Variants in DLEC1 observed in about 807,000 individuals in gnomAD.
The protein encoded by DLEC1 is deleted in lung and esophageal cancer protein 1.
DLEC1 carries 146 observed loss-of-function variants against 198.1 expected under a neutral mutation model. That is an observed-to-expected ratio of 0.74 (90% CI 0.64 to 0.85). The LOEUF (loss-of-function observed/expected upper bound fraction) is 0.85, where lower values mean the gene tolerates loss of function less well. Ranked by LOEUF, DLEC1 falls within the 40% of genes least tolerant of loss-of-function variation. The probability of loss-of-function intolerance (pLI) is 0.00; values close to 1 mark genes in which losing one functional copy is unlikely to be tolerated. For synonymous variants in DLEC1, 897 were observed against 866.8 expected (o/e 1.03, Z -0.61); for missense variants, 2,233 against 2,220.0 (o/e 1.01, Z -0.12).
chr3:38,115,161 C>T, intron 27 of DLEC1, 108 bp downstream of exon 27: 2 of 1,177,722 alleles, frequency 1.7e-6, no homozygotes, highest in Non-Finnish European at 2.5e-6. Context: ...TGAACAGGAC[C>T]CAGGTGTCCA....
chr3:38,064,810 C>T (rs1696920492), intron 6 of DLEC1, among the ~76,000 whole-genome samples: 1 of 151,626 alleles, frequency 6.6e-6, no homozygotes, highest in Non-Finnish European at 1.5e-5. Context: ...TCCTCACTTC[C>T]TAGATGGGAT....
At chr3:38,062,101 G>T (rs1645365414) in intron 3 of DLEC1, 68 bp from the exon 4 acceptor site, 1 of 1,531,000 alleles carries the variant, frequency 6.5e-7, no homozygotes, top group Non-Finnish European at 9.0e-7. Flanking sequence ...GGTTTTATTT[G>T]GTCATCTTAG....
Position 38,059,826 on chromosome 3 carries a change from C to G in DLEC1, c.647C>G (p.Thr216Arg). The change falls in exon 3 of 37, where the codon ACA (threonine) becomes AGA (arginine). Residue 216 changes from threonine to arginine, a missense_variant. By Grantham distance (71) the Thr-to-Arg change is moderately conservative (BLOSUM62 -1). Coordinates refer to ENST00000308059, the MANE Select transcript of DLEC1 (RefSeq NM_007335.4). ...LISPEDYYTD[T>R]VPFHSAPKGI... ...TCCCCAGAAGATTACTACACCGATACAGTGCCGTTTCACTCTGCACCTAAA... is the reference window on the plus strand; with the variant it reads ...TCCCCAGAAGATTACTACACCGATAGAGTGCCGTTTCACTCTGCACCTAAA... 6.2e-7 allele frequency: 1 copy of G among 1,614,170 alleles called. No homozygotes were observed. Among genetic ancestry groups the G allele is most frequent in the East Asian group, 2.2e-5 (1 of 44,886 alleles).
chr3:38,096,344 G>T (rs1211494339), intron 14 of DLEC1, among the ~76,000 whole-genome samples: 1 of 152,242 alleles, frequency 6.6e-6, no homozygotes, highest in African/African-American at 2.4e-5. Context: ...CCTGGAGGCA[G>T]CAGGGCAATG....
intron 5 of DLEC1, among the ~76,000 whole-genome samples, chr3:38,063,612 A>G (rs1216582325): frequency 3.3e-5 from 5 of 152,378 alleles, no homozygotes; most frequent in Middle Eastern, 6.8e-3. Context: ...ATGCATATTG[A>G]AAATGAAATA....
intron 6 of DLEC1, among the ~76,000 whole-genome samples, chr3:38,073,312 G>A (rs556085507): frequency 2.0e-5 from 3 of 152,306 alleles, no homozygotes; most frequent in Admixed American, 1.3e-4. Context: ...GTAAAGTGGG[G>A]GAATTGTAAG....
At position 38,085,192 on chromosome 3, in the gene DLEC1, G is replaced by C. The variant is rs142284791; in HGVS notation, c.1262-82G>C. The C allele has an allele frequency of 3.3e-6, 5 of 1,501,996 alleles. No individual in the cohort carries two copies. In the Admixed American group the frequency reaches 8.6e-5, roughly 26 times the overall value. The allele number at this position is 1,501,996 out of a possible 1,614,324, so 93.0% of individuals were successfully genotyped here. The stretch of plus-strand genomic sequence containing the variant: ...CACTTACAGAGCCAGCCCTGGCAGG[G>C]CTGGGGTCTGTACCAGCTGAGCTCA... On this transcript the variant is annotated intron_variant, in intron 7 of 36. Coordinates refer to ENST00000308059, the MANE Select transcript of DLEC1 (RefSeq NM_007335.4).
At chr3:38,082,648 GA>G (rs1385385671) in intron 6 of DLEC1, among the ~76,000 whole-genome samples, 1 of 151,984 alleles carries the variant, frequency 6.6e-6, no homozygotes, top group African/African-American at 2.4e-5. Flanking sequence ...AGAAGGGGTT[GA>G]GGGGTACTTG....
At position 38,059,743 on chromosome 3, in the gene DLEC1, GAA is replaced by G; in HGVS notation, c.565_566del (p.Lys189GlufsTer35). 1 of 1,613,554 alleles carries G rather than the reference GAA, an allele frequency of 6.2e-7. No individual in the cohort carries two copies. Among genetic ancestry groups the G allele is most frequent in the Non-Finnish European group, 8.5e-7 (1 of 1,179,722 alleles). ...GTTCTCCCCTTCCCTTCTATGAAGT[GAA>G]GAGTGTCTCCAGATGGTGTATAGAC... is the stretch of plus-strand genomic sequence containing the variant. ...LESLVRLPPV[K>X]SVSRWCIDSE... On this transcript the variant is annotated frameshift_variant and splice_region_variant, in exon 3 of 37. Coordinates refer to ENST00000308059, the MANE Select transcript of DLEC1 (RefSeq NM_007335.4). LOFTEE classifies it high-confidence loss of function.
At chr3:38,058,604 A>C (rs1696509057) in intron 2 of DLEC1, among the ~76,000 whole-genome samples, 1 of 152,134 alleles carries the variant, frequency 6.6e-6, no homozygotes, top group Admixed American at 6.5e-5. Context: ...GTTTTTAAAA[A>C]TCAAATAGTT....
At chr3:38,085,222 C>G in intron 7 of DLEC1, 52 bp from the exon 8 acceptor site, 1 of 1,605,246 alleles carries the variant, frequency 6.2e-7, no homozygotes, top group Non-Finnish European at 8.5e-7. Context: ...AGCTCAAGCC[C>G]TGGTGGCTGG....
Position 38,110,225 on chromosome 3 carries a change from C to T in DLEC1, c.3387C>T (p.Ser1129=). Residue 1129 remains serine, a synonymous_variant, in exon 23 of 37, where the codon TCC becomes TCT. Transcript: ENST00000308059. ...GCTCCCCAATACGGACCCGTTTCTC[C>T]CTCAAGTTTGAGTATTTCGGGAGCC... is the stretch of plus-strand genomic sequence containing the variant. ...TNRSPIRTRF[S]LKFEYFGSPQ... 1 of 1,614,192 alleles carries T rather than the reference C, an allele frequency of 6.2e-7. No individual in the cohort carries two copies.
chr3:38,084,025 A>C, intron 6 of DLEC1, 133 bp from the exon 7 acceptor site: 6 of 750,904 alleles, frequency 8.0e-6, no homozygotes, highest in Non-Finnish European at 1.3e-5. Context: ...CAGCTTCGAC[A>C]GTTACCAACA....
intron 34 of DLEC1, 45 bp downstream of exon 34, chr3:38,120,654 C>A (rs11708524): frequency 6.2e-7 from 1 of 1,609,542 alleles, no homozygotes; most frequent in Non-Finnish European, 8.5e-7. Context: ...TGGAAGTGGG[C>A]TGGGCTGTGT....
rs144285263 is a variant in DLEC1, at chr3:38,045,161, G to C, written c.412-382G>C. On this transcript the variant is annotated intron_variant, in intron 1 of 36. Coordinates refer to ENST00000308059, the MANE Select transcript of DLEC1 (RefSeq NM_007335.4). ...TCCTTTTCAGCAGCTTAGGTAGACT[G>C]TGAAGGGGCTGTCTGCTGACGACGT... Among the ~76,000 whole-genome samples, 287 of 152,334 alleles carry C rather than the reference G, an allele frequency of 1.9e-3. 2 individuals carry two copies. The highest frequency in any genetic ancestry group is 6.6e-3 in the African/African-American group (275 of 41,570).
Position 38,062,168 on chromosome 3 carries a change from G to A in DLEC1, c.674-1G>A. On this transcript the variant is annotated splice_acceptor_variant, in intron 3 of 36. Coordinates refer to ENST00000308059, the MANE Select transcript of DLEC1 (RefSeq NM_007335.4). LOFTEE classifies it high-confidence loss of function. ...TTCAGTTTGTTTCCTTGATGCTGTA[G>A]GCATCTCCCTACCTGGATGTTCAAA... The A allele has an allele frequency of 6.2e-7, 1 of 1,614,158 alleles. No homozygotes were observed. The highest frequency in any genetic ancestry group is 8.5e-7 in the Non-Finnish European group (1 of 1,180,042).
chr3:38,095,102 A>G (rs766434219), intron 13 of DLEC1, 31 bp downstream of exon 13: 2 of 1,610,646 alleles, frequency 1.2e-6, no homozygotes, highest in South Asian at 1.1e-5. Context: ...GTAGCCACAC[A>G]TGGTTGGATC....
chr3:38,094,794 C>T, intron 12 of DLEC1, 85 bp from the exon 13 acceptor site: 1 of 1,486,404 alleles, frequency 6.7e-7, no homozygotes, highest in Non-Finnish European at 9.1e-7. Context: ...CCTGCTCCCT[C>T]TTGGAGCAGG....
chr3:38,110,050 A>C, intron 22 of DLEC1, 49 bp from the exon 23 acceptor site: 1 of 1,596,224 alleles, frequency 6.3e-7, no homozygotes, highest in South Asian at 1.1e-5. Context: ...GGGCAGGGCC[A>C]AGGGTGGTGT....
Sources: gnomAD v4.1 joint callset for allele counts (sites outside exome capture counted in the v4.1 genomes callset) on GRCh38, gnomAD v4.1.1 for gene constraint, MANE v1.5 for transcripts, NCBI Gene and HGNC (gene_info 2026-07-23, HGNC 2026-07-21) for gene names.